The following MPDZ variants were observed in gnomAD, a reference collection of about 807,000 sequenced individuals.
The protein encoded by MPDZ is multiple PDZ domain crumbs cell polarity complex component.
Under a neutral mutation model 239.1 loss-of-function variants are expected in MPDZ, and 234 were observed. That is an observed-to-expected ratio of 0.98 (90% CI 0.88 to 1.09). The LOEUF is 1.09. MPDZ is among the 50% of genes least tolerant of loss of function. MPDZ has a pLI of 0.00. For synonymous variants in MPDZ, 1,048 were observed against 881.3 expected, an observed-to-expected ratio of 1.19 and a Z score of -3.35; for missense variants, 3,175 against 2,510.0, an observed-to-expected ratio of 1.26 and a Z score of -5.66.
At chr9:13,115,166 A>G (rs1205517660) in intron 40 of MPDZ, 82 bp downstream of exon 40, 3 of 1,206,094 alleles carry the variant, frequency 2.5e-6, no homozygotes, top group Middle Eastern at 1.9e-4. Context: ...CAGACCTTGT[A>G]CACAGACCCA....
chr9:13,223,829 A>G, intron 4 of MPDZ, 119 bp from the exon 5 acceptor site: 1 of 1,069,788 alleles, frequency 9.3e-7, no homozygotes, highest in Non-Finnish European at 1.3e-6. Context: ...GCCAGGAGTT[A>G]GGGACCAGAC....
rs1952394909 is a variant in MPDZ at position 13,175,768 on chromosome 9, T to A, written c.3039A>T (p.Lys1013Asn). 3 of 1,570,136 alleles carry A rather than the reference T, an allele frequency of 1.9e-6. No individual in the cohort carries two copies. In the South Asian group the frequency reaches 3.5e-5, roughly 18 times the overall value. Residue 1013 changes from lysine to asparagine, a missense_variant, in exon 21 of 47, where the codon AAA (lysine) becomes AAT (asparagine). Coordinates refer to ENST00000319217, the MANE Select transcript of MPDZ (RefSeq NM_001378778.1). ...GAAACTTACCTAGGCTAGAATTGCC[T>A]TTTGCTATATTAATAGTCCTTTCAA... ...ESFERTINIA[K>N]GNSSLGMTVS... is the part of the protein sequence containing the mutation.
intron 1 of MPDZ, among the ~76,000 whole-genome samples, chr9:13,269,747 T>G (rs1413751218): frequency 6.6e-6 from 1 of 152,348 alleles, no homozygotes; most frequent in Non-Finnish European, 1.5e-5. Context: ...AATCCGCTGA[T>G]AAGCTTGTCA....
chr9:13,106,929 G>T lies in MPDZ; in HGVS notation c.*36C>A. The T allele has an allele frequency of 6.2e-7, 1 of 1,609,388 alleles. No individual in the cohort carries two copies. Among genetic ancestry groups the T allele is most frequent in the Non-Finnish European group, 8.5e-7 (1 of 1,176,202 alleles). ...GCATTCTCTTTACAGTAGGAGGTGA[G>T]CTAGGGGTTGGGTTGGTTCAATTCT... On this transcript the variant is annotated 3_prime_UTR_variant, in exon 47 of 47. Transcript: ENST00000319217.
In MPDZ at chr9:13,236,197, A is replaced by ATATGTGTGTG. The variant is rs1554715983; in HGVS notation, c.183+11437_183+11438insCACACACATA. Among the ~76,000 whole-genome samples the ATATGTGTGTG allele has an allele frequency of 1.6e-3, 125 of 76,958 alleles. 1 individual carries two copies. Among genetic ancestry groups the ATATGTGTGTG allele is most frequent in the Non-Finnish European group, 2.5e-3 (102 of 41,106 alleles). 50.5% of individuals were successfully genotyped at this position (76,958 alleles called of 152,430 possible). On this transcript the variant is annotated intron_variant, in intron 3 of 46. Coordinates refer to ENST00000319217, the MANE Select transcript of MPDZ (RefSeq NM_001378778.1). ...TTTGTGTGTGTGTGTTTCTGTATAT[A>ATATGTGTGTG]TGTGTGTGTGTGTGTGTGTGTGTGT...
In MPDZ at chr9:13,217,576, G is replaced by GT. The variant is rs915531521; in HGVS notation, c.1087-283dup. ...GTACAATAAATTTTAAATCAAACAG[G>GT]TTTTTTTTAGCAAATTCTATTTTCA... On this transcript the variant is annotated intron_variant, in intron 8 of 46. Coordinates refer to ENST00000319217, the MANE Select transcript of MPDZ (RefSeq NM_001378778.1). Among the ~76,000 whole-genome samples, 6 of 151,608 alleles carry GT rather than the reference G, an allele frequency of 4.0e-5. No homozygotes were observed. In the South Asian group the frequency reaches 6.2e-4, roughly 16 times the overall value.
rs1261294212 is a variant in MPDZ at position 13,186,316 on chromosome 9, T to G, written c.2435A>C (p.Glu812Ala). The G allele has an allele frequency of 6.3e-7, 1 of 1,596,658 alleles. No homozygotes were observed. The change falls in exon 18 of 47, where the codon GAA becomes GCA. Residue 812 changes from glutamate (E) to alanine (A), a missense_variant. Transcript: ENST00000319217. ...GAGGGGTTTGTCAGCCAGCCCTGCT[T>G]CCTCACAGGAGTGTGGTGGGTAGAG... The part of the protein sequence containing the change: ...SFLYPPHSCE[E>A]AGLADKPLFR...
chr9:13,265,261 C>CCAGGTCGACTGTGTCCTGGG (rs1241647358), intron 1 of MPDZ, among the ~76,000 whole-genome samples: 1 of 152,166 alleles, frequency 6.6e-6, no homozygotes, highest in African/African-American at 2.4e-5. Flanking sequence ...TTCAATGAGC[C>CCAGGTCGACTGTGTCCTGGG]CAGGTCGACT....
chr9:13,195,718 G>C (rs1046547972), intron 13 of MPDZ, among the ~76,000 whole-genome samples: 1 of 152,132 alleles, frequency 6.6e-6, no homozygotes, highest in Non-Finnish European at 1.5e-5. Context: ...AAAAGAAAGA[G>C]TAGAAAAGAG....
Position 13,175,836 on chromosome 9 carries a change from T to A in MPDZ, c.2971A>T (p.Asn991Tyr). 6.3e-7 allele frequency: 1 copy of A among 1,593,006 alleles called. No homozygotes were observed. Among genetic ancestry groups the A allele is most frequent in the Non-Finnish European group, 8.6e-7 (1 of 1,169,196 alleles). The change falls in exon 21 of 47, where the codon AAT (asparagine) becomes TAT (tyrosine). Residue 991 changes from asparagine to tyrosine, a missense_variant. Transcript: ENST00000319217. ...YLLEQSSLAC[N>Y]AECVMLQNVS... ...TTTTGAAGCATGACACACTCAGCAT[T>A]ACAGGCCAGGGAGCTCTGTTCAAGC...
chr9:13,203,281 C>G (rs1956605057), intron 12 of MPDZ, among the ~76,000 whole-genome samples: 1 of 152,140 alleles, frequency 6.6e-6, no homozygotes, highest in Non-Finnish European at 1.5e-5. Context: ...AGGGTCAGTT[C>G]AGAGTCCTAT....
At chr9:13,110,580 C>A (rs1942282189) in intron 44 of MPDZ, 56 bp downstream of exon 44, 1 of 1,209,336 alleles carries the variant, frequency 8.3e-7, no homozygotes, top group Non-Finnish European at 1.2e-6. Context: ...AACATCAAAG[C>A]TCATGTGTCT....
chr9:13,115,894 A>C (rs558249466), intron 39 of MPDZ, among the ~76,000 whole-genome samples: 1 of 150,832 alleles, frequency 6.6e-6, no homozygotes, highest in African/African-American at 2.4e-5. Flanking sequence ...GCAGTGAGCC[A>C]AGATCATGCC....
In MPDZ at chr9:13,182,133, T is replaced by G. The variant is rs1953421406; in HGVS notation, c.2649+1285A>C. Among the ~76,000 whole-genome samples, 3 of 152,278 alleles carry G rather than the reference T, an allele frequency of 2.0e-5. No homozygotes were observed. In the South Asian group the frequency reaches 6.2e-4, roughly 32 times the overall value. On this transcript the variant is annotated intron_variant, in intron 19 of 46. Coordinates refer to ENST00000319217, the MANE Select transcript of MPDZ (RefSeq NM_001378778.1). ...GAAAGGAGGAAAACAGTGCTAGACC[T>G]ACGGAAATTCTACTTTCCAACTTAT...
chr9:13,239,129 T>C (rs1964772648), intron 3 of MPDZ, among the ~76,000 whole-genome samples: 2 of 152,150 alleles, frequency 1.3e-5, no homozygotes, highest in African/African-American at 2.4e-5. Flanking sequence ...TACTAATAAA[T>C]ATCATTACCA....
At chr9:13,140,230 C>T in intron 27 of MPDZ, 81 bp from the exon 28 acceptor site, 13 of 1,399,228 alleles carry the variant, frequency 9.3e-6, no homozygotes, top group Non-Finnish European at 1.3e-5. Context: ...AGTATACTGT[C>T]AAAAACAAAG....
At position 13,223,583 on chromosome 9, in the gene MPDZ, C is replaced by A; in HGVS notation, c.521G>T (p.Ser174Ile). Reference protein sequence around the residue: ...GIFVQEIQEGSVAHRDGRLKE... With the variant: ...GIFVQEIQEGIVAHRDGRLKE... Reference sequence around the variant, plus strand: ...GCGACCATCTCACCTATGGGCCACACTGCCCTCTTGTATCTCTTGAACAAA... The same window carrying A: ...GCGACCATCTCACCTATGGGCCACAATGCCCTCTTGTATCTCTTGAACAAA... The change falls in exon 5 of 47, where the codon AGT becomes ATT. Residue 174 changes from serine (S) to isoleucine (I), a missense_variant. Physicochemically the swap from Ser to Ile is moderately radical, Grantham distance 142. Coordinates refer to ENST00000319217, the MANE Select transcript of MPDZ (RefSeq NM_001378778.1). The A allele has an allele frequency of 6.2e-7, 1 of 1,611,460 alleles. No homozygotes were observed. The highest frequency in any genetic ancestry group is 1.1e-5 in the South Asian group (1 of 90,868).
rs775059296 is a variant in MPDZ at position 13,119,632 on chromosome 9, A to C, written c.5249T>G (p.Phe1750Cys). ...IVGKRNDTGVFVSDIVKGGIA... is the reference protein window; with the variant it reads ...IVGKRNDTGVCVSDIVKGGIA... Reference sequence around the variant, plus strand: ...TCCTCCTTTGACAATGTCTGACACAAATACTCCAGTATCGTTTCTACACAC... The same window carrying C: ...TCCTCCTTTGACAATGTCTGACACACATACTCCAGTATCGTTTCTACACAC... The change falls in exon 39 of 47, where the codon TTT becomes TGT. Residue 1750 changes from phenylalanine (F) to cysteine (C), a missense_variant. Phe to Cys is a radical substitution (Grantham distance 205). Transcript: ENST00000319217. 1.4e-5 allele frequency: 23 copies of C among 1,613,806 alleles called. No homozygotes were observed. The South Asian group carries it at 2.5e-4, about 18-fold the overall frequency.
At chr9:13,164,785 AGT>A (rs1324529851) in intron 22 of MPDZ, among the ~76,000 whole-genome samples, 4 of 152,260 alleles carry the variant, frequency 2.6e-5, no homozygotes, top group Admixed American at 2.6e-4. Flanking sequence ...CACTACAGAG[AGT>A]GAGGCCACCA....
Sources: gnomAD v4.1 joint callset for allele counts (sites outside exome capture counted in the v4.1 genomes callset) on GRCh38, gnomAD v4.1.1 for gene constraint, MANE v1.5 for transcripts, NCBI Gene and HGNC (gene_info 2026-07-23, HGNC 2026-07-21) for gene names.